Variants in PCDHA10 observed in about 807,000 individuals in gnomAD.
The protein encoded by PCDHA10 is protocadherin alpha-10.
A neutral mutation model predicts 61.2 loss-of-function variants in PCDHA10; 45 were observed. The observed-to-expected ratio is 0.74, with a 90% CI of 0.58 to 0.94. PCDHA10 has a LOEUF of 0.94. Ranked by LOEUF, PCDHA10 falls within the 40% of genes least tolerant of loss-of-function variation. PCDHA10 has a pLI of 0.00. For synonymous variants in PCDHA10, 602 were observed against 548.8 expected, an observed-to-expected ratio of 1.10 and a Z score of -1.35; for missense variants, 1,278 against 1,236.2, an observed-to-expected ratio of 1.03 and a Z score of -0.51.
chr5:140,942,410 A>T (rs1047414912), intron 1 of PCDHA10, among the ~76,000 whole-genome samples: 3 of 142,238 alleles, frequency 2.1e-5, no homozygotes, highest in Non-Finnish European at 3.1e-5. Context: ...GACTCTGTTT[A>T]AAAAAAAAAA....
chr5:140,901,839 A>T (rs578262204), intron 1 of PCDHA10, among the ~76,000 whole-genome samples: 1 of 152,108 alleles, frequency 6.6e-6, no homozygotes, highest in Non-Finnish European at 1.5e-5. Flanking sequence ...TAAACATGCA[A>T]TATCTTTCCA....
At chr5:140,900,422 C>G (rs1422913254) in intron 1 of PCDHA10, among the ~76,000 whole-genome samples, 1 of 152,142 alleles carries the variant, frequency 6.6e-6, no homozygotes, top group East Asian at 1.9e-4. Context: ...GGATTATAGG[C>G]ACGTGCCACC....
intron 1 of PCDHA10, chr5:140,926,320 C>G (rs555057115): frequency 2.5e-3 from 377 of 152,358 alleles, no homozygotes; most frequent in Non-Finnish European, 3.8e-3. Flanking sequence ...AGAGGTGCGC[C>G]GGGGTCAGAG....
chr5:140,877,323 C>T (rs782217893), intron 1 of PCDHA10: 2 of 1,613,988 alleles, frequency 1.2e-6, no homozygotes, highest in East Asian at 2.2e-5. Context: ...CGGCGGTCGG[C>T]GCGCACATCC....
At chr5:140,986,696 C>G (rs2097209947) in intron 3 of PCDHA10, among the ~76,000 whole-genome samples, 2 of 152,130 alleles carry the variant, frequency 1.3e-5, no homozygotes, top group South Asian at 2.1e-4. Context: ...TCAAAACACA[C>G]AGCACTGCAG....
At chr5:140,907,430 T>G (rs1554192988) in intron 1 of PCDHA10, among the ~76,000 whole-genome samples, 1 of 152,244 alleles carries the variant, frequency 6.6e-6, no homozygotes, top group Non-Finnish European at 1.5e-5. Context: ...TAAGGCATTC[T>G]GTGAGTCCAC....
At chr5:140,996,987 A>G (rs1554255592) in intron 3 of PCDHA10, among the ~76,000 whole-genome samples, 1 of 152,134 alleles carries the variant, frequency 6.6e-6, no homozygotes, top group African/African-American at 2.4e-5. Context: ...TGAAGCAACC[A>G]CTGTTAACAA....
At chr5:140,960,299 A>G (rs246005) in intron 1 of PCDHA10, among the ~76,000 whole-genome samples, 1 of 151,808 alleles carries the variant, frequency 6.6e-6, no homozygotes. Flanking sequence ...TTTCTTCATC[A>G]ATACCAACCT....
At chr5:140,987,749 GT>G (rs1554249497) in intron 3 of PCDHA10, among the ~76,000 whole-genome samples, 1 of 152,142 alleles carries the variant, frequency 6.6e-6, no homozygotes, top group African/African-American at 2.4e-5. Context: ...GACCCAGGTT[GT>G]TCTGAGTATT....
At chr5:140,976,232 G>C (rs2096707189) in intron 1 of PCDHA10, among the ~76,000 whole-genome samples, 1 of 152,098 alleles carries the variant, frequency 6.6e-6, no homozygotes, top group Non-Finnish European at 1.5e-5. Flanking sequence ...AAAAATATAT[G>C]TCATTTCATG....
chr5:140,871,755 T>C (rs2053292269), intron 1 of PCDHA10, among the ~76,000 whole-genome samples: 1 of 152,248 alleles, frequency 6.6e-6, no homozygotes. Context: ...AGAAATGAGA[T>C]GCAAGAGTGA....
intron 1 of PCDHA10, among the ~76,000 whole-genome samples, chr5:140,905,749 C>T (rs1442006265): frequency 6.6e-6 from 1 of 152,162 alleles, no homozygotes; most frequent in Non-Finnish European, 1.5e-5. Flanking sequence ...AGATCTTTCA[C>T]CTCCTTGGTT....
intron 3 of PCDHA10, among the ~76,000 whole-genome samples, chr5:140,996,976 G>A (rs573896136): frequency 2.6e-5 from 4 of 152,078 alleles, no homozygotes; most frequent in East Asian, 3.9e-4. Flanking sequence ...CTCCCCTTTG[G>A]TGAAGCAACC....
chr5:140,876,343 T>C lies in PCDHA10; in HGVS notation c.2388+17907T>C, dbSNP rs1196276310. ...AATGATTTTGCCAGTGAGTGAGAAA[T>C]GTATGTTTTCAATAAATCCAGACAC... is the stretch of plus-strand genomic sequence containing the variant. On this transcript the variant is annotated intron_variant, in intron 1 of 3. Transcript: ENST00000307360. 2 of 1,613,972 alleles carry C rather than the reference T, an allele frequency of 1.2e-6. No individual in the cohort carries two copies. The highest frequency in any genetic ancestry group is 1.1e-5 in the South Asian group (1 of 91,090).
intron 1 of PCDHA10, among the ~76,000 whole-genome samples, chr5:140,872,251 T>C (rs557937835): frequency 3.3e-5 from 5 of 152,196 alleles, no homozygotes; most frequent in Non-Finnish European, 7.3e-5. Flanking sequence ...CCTGTGATAA[T>C]ACTTGTTTTC....
At chr5:140,876,062 G>T in intron 1 of PCDHA10, 1 of 1,613,842 alleles carries the variant, frequency 6.2e-7, no homozygotes, top group Non-Finnish European at 8.5e-7. Context: ...TTAGTTCTTC[G>T]GAAGTTATTG....
At chr5:140,872,562 G>A (rs2053754616) in intron 1 of PCDHA10, among the ~76,000 whole-genome samples, 1 of 152,072 alleles carries the variant, frequency 6.6e-6, no homozygotes, top group Non-Finnish European at 1.5e-5. Context: ...AGGGGTTCAG[G>A]GCTGCAGTGA....
intron 1 of PCDHA10, chr5:140,864,345 G>A (rs2048432897): frequency 6.6e-6 from 1 of 152,130 alleles, no homozygotes; most frequent in Non-Finnish European, 1.5e-5. Flanking sequence ...TTTAAAACAT[G>A]TTTAAATGTT....
intron 1 of PCDHA10, among the ~76,000 whole-genome samples, chr5:140,953,230 A>G (rs782703084): frequency 2.0e-5 from 3 of 152,180 alleles, no homozygotes; most frequent in Non-Finnish European, 4.4e-5. Context: ...TCTGCTTGGT[A>G]GCAGTTCAAA....
Sources: gnomAD v4.1 joint callset for allele counts (sites outside exome capture counted in the v4.1 genomes callset) on GRCh38, gnomAD v4.1.1 for gene constraint, MANE v1.5 for transcripts, NCBI Gene and HGNC (gene_info 2026-07-23, HGNC 2026-07-21) for gene names.